The following ART3 variants were observed in gnomAD, a reference collection of about 807,000 sequenced individuals.
The protein encoded by ART3 is ADP-ribosyltransferase 3 (inactive), also known as ecto-ADP-ribosyltransferase 3.
Under a neutral mutation model 48.5 loss-of-function variants are expected in ART3, and 49 were observed. The ratio of observed to expected loss-of-function variants is 1.01; its 90% CI spans 0.80 to 1.28. ART3 has a LOEUF of 1.28. Ranked by LOEUF, ART3 falls within the 50% of genes most tolerant of loss-of-function variation. ART3 has a pLI of 0.00. For missense variants in ART3, 438 were observed against 454.3 expected, an observed-to-expected ratio of 0.96 and a Z score of 0.33; for synonymous variants, 145 against 157.2, an observed-to-expected ratio of 0.92 and a Z score of 0.58.
intron 11 of ART3, among the ~76,000 whole-genome samples, chr4:76,109,157 G>A: frequency 6.6e-6 from 1 of 152,078 alleles, no homozygotes; most frequent in Non-Finnish European, 1.5e-5. Context: ...TGACTCTTTT[G>A]TAATAACACT....
intron 11 of ART3, among the ~76,000 whole-genome samples, chr4:76,109,544 CAT>C (rs75581713): frequency 0.14 from 21,797 of 152,076 alleles, 1,712 homozygotes; most frequent in East Asian, 0.35. Context: ...AAAACAGTAA[CAT>C]AGTTGTTTAT....
Position 76,051,815 on chromosome 4 carries a change from T to C in ART3, c.-9-24066T>C, listed in dbSNP as rs559357703. Among the ~76,000 whole-genome samples the C allele has an allele frequency of 2.6e-5, 4 of 151,916 alleles. No homozygotes were observed. The South Asian group carries it at 8.3e-4, about 32-fold the overall frequency. On this transcript the variant is annotated intron_variant, in intron 1 of 9. Transcript: ENST00000341029. ...CCTCAACCTCCCAAAGTGCTGGGAT[T>C]ACTGGCATAAGCCACTGTACCTGGC...
At chr4:76,034,802 C>A (rs1190607116) in intron 1 of ART3, 3 of 1,552,786 alleles carry the variant, frequency 1.9e-6, no homozygotes, top group African/African-American at 1.4e-5. Context: ...TTTAAAAATT[C>A]TTTCTTTCAA....
intron 1 of ART3, among the ~76,000 whole-genome samples, chr4:76,024,228 G>A (rs150952755): frequency 4.3e-4 from 66 of 152,138 alleles, no homozygotes; most frequent in African/African-American, 1.5e-3. Flanking sequence ...TGTGAGAAAA[G>A]GATTCATAGC....
At chr4:76,022,865 T>C (rs770618330) in intron 1 of ART3, 6 of 1,576,708 alleles carry the variant, frequency 3.8e-6, no homozygotes, top group Admixed American at 1.8e-5. Context: ...GTGTTCATTT[T>C]AGGCATTTAA....
In ART3 at chr4:76,104,094, C is replaced by T. The variant is rs1176235606; in HGVS notation, c.970+125C>T. ...ATTTCCCTTATAGCTACCTGCCAGTCATCTACAAATATTTAGCTGGGGAAG... is the reference window on the plus strand; with the variant it reads ...ATTTCCCTTATAGCTACCTGCCAGTTATCTACAAATATTTAGCTGGGGAAG... On this transcript the variant is annotated intron_variant, in intron 9 of 11. Coordinates refer to ENST00000355810, the MANE Select transcript of ART3 (RefSeq NM_001130016.3). The T allele has an allele frequency of 2.7e-6, 3 of 1,091,264 alleles. No individual in the cohort carries two copies. The African/African-American group carries it at 4.8e-5, about 17-fold the overall frequency. The allele number at this position is 1,091,264 out of a possible 1,614,324, so 67.6% of individuals were successfully genotyped here. A position where few individuals can be genotyped will look rare whatever the true frequency, so the allele number is the denominator to read the frequency against.
intron 10 of ART3, among the ~76,000 whole-genome samples, chr4:76,106,851 G>A (rs1205326521): frequency 1.3e-5 from 2 of 152,144 alleles, no homozygotes; most frequent in Non-Finnish European, 2.9e-5. Flanking sequence ...TAGAAAGGGA[G>A]CTCGAATTTA....
chr4:76,064,997 A>G (rs1302422913), intron 1 of ART3, among the ~76,000 whole-genome samples: 1 of 151,964 alleles, frequency 6.6e-6, no homozygotes, highest in African/African-American at 2.4e-5. Flanking sequence ...ATGCCTGGCT[A>G]ATTTTTGTAT....
chr4:76,100,217 T>C, intron 5 of ART3, 74 bp from the exon 6 acceptor site: 1 of 1,433,898 alleles, frequency 7.0e-7, no homozygotes, highest in East Asian at 2.3e-5. Context: ...GAAAATAATT[T>C]TGCTGTAGCA....
At chr4:76,034,876 C>T in intron 1 of ART3, 1 of 1,476,116 alleles carries the variant, frequency 6.8e-7, no homozygotes, top group South Asian at 1.2e-5. Flanking sequence ...CCCAGGACAT[C>T]TAAAAACATG....
intron 11 of ART3, among the ~76,000 whole-genome samples, chr4:76,108,060 CA>C (rs1213155766): frequency 6.8e-6 from 1 of 147,882 alleles, no homozygotes; most frequent in Non-Finnish European, 1.5e-5. Flanking sequence ...AGACTGGGAG[CA>C]AAATATAAAA....
intron 1 of ART3, among the ~76,000 whole-genome samples, chr4:76,059,125 A>T (rs1718946508): frequency 3.6e-5 from 1 of 28,078 alleles, no homozygotes; most frequent in Non-Finnish European, 6.6e-5. Context: ...AGAAACCTTT[A>T]GGTTATAGTT....
At chr4:76,028,254 T>C (rs1733586535) in intron 1 of ART3, among the ~76,000 whole-genome samples, 1 of 152,242 alleles carries the variant, frequency 6.6e-6, no homozygotes, top group African/African-American at 2.4e-5. Context: ...CATGTGTCAT[T>C]TGAATAAAAA....
At chr4:76,035,033 A>C (rs2149405619) in intron 1 of ART3, 1 of 1,601,186 alleles carries the variant, frequency 6.2e-7, no homozygotes, top group South Asian at 1.1e-5. Context: ...CATGGGAGTA[A>C]TTTGGTAACT....
chr4:76,035,924 T>C, intron 1 of ART3: 1 of 1,612,330 alleles, frequency 6.2e-7, no homozygotes, highest in Non-Finnish European at 8.5e-7. Context: ...AATTACTGCA[T>C]ACCTTGAACA....
At chr4:76,034,497 C>T (rs770546473) in intron 1 of ART3, 8 of 519,888 alleles carry the variant, frequency 1.5e-5, no homozygotes, top group Middle Eastern at 4.8e-4. Flanking sequence ...ACTTTGTAAA[C>T]TCCGATGGTA....
chr4:76,014,790 T>C (rs1249887881), intron 1 of ART3, among the ~76,000 whole-genome samples: 1 of 152,148 alleles, frequency 6.6e-6, no homozygotes, highest in Non-Finnish European at 1.5e-5. Context: ...CAGAGAATCT[T>C]GAAAGCAACA....
intron 5 of ART3, 150 bp from the exon 6 acceptor site, chr4:76,100,141 G>A (rs1726947925): frequency 9.7e-6 from 6 of 615,676 alleles, no homozygotes; most frequent in Non-Finnish European, 1.7e-5. Flanking sequence ...GACTGTGACC[G>A]ACAACTTAAG....
chr4:76,049,338 T>C (rs1296742813), intron 1 of ART3, among the ~76,000 whole-genome samples: 1 of 151,754 alleles, frequency 6.6e-6, no homozygotes, highest in Non-Finnish European at 1.5e-5. Context: ...TCAGGATAGA[T>C]AGGATAGATG....
Sources: allele counts gnomAD v4.1 joint callset (sites outside exome capture counted in the v4.1 genomes callset), GRCh38; gene constraint gnomAD v4.1.1; transcripts MANE v1.5; gene names NCBI Gene and HGNC (gene_info 2026-07-23, HGNC 2026-07-21).